The following PTPRN2 variants were observed in gnomAD, a reference collection of about 807,000 sequenced individuals.
PTPRN2 encodes the protein receptor-type tyrosine-protein phosphatase N2.
Under a neutral mutation model 118.8 loss-of-function variants are expected in PTPRN2, and 74 were observed. That is an observed-to-expected ratio of 0.62 (90% CI 0.52 to 0.76). The LOEUF is 0.76. Ranked by LOEUF, PTPRN2 falls within the 30% of genes least tolerant of loss-of-function variation. PTPRN2 has a pLI of 0.00. For synonymous variants in PTPRN2, 641 were observed against 608.0 expected (o/e 1.05, Z -0.80); for missense variants, 1,481 against 1,394.4 (o/e 1.06, Z -0.99).
At chr7:157,713,154 G>A (rs901347125) in intron 12 of PTPRN2, among the ~76,000 whole-genome samples, 3 of 152,182 alleles carry the variant, frequency 2.0e-5, no homozygotes, top group Non-Finnish European at 2.9e-5. Context: ...TCTGATGGTC[G>A]CACTTGGGCA....
At chr7:158,452,936 AT>A (rs1818189168) in intron 2 of PTPRN2, among the ~76,000 whole-genome samples, 2 of 152,214 alleles carry the variant, frequency 1.3e-5, no homozygotes, top group African/African-American at 2.4e-5. Context: ...CTTGTCTGCA[AT>A]CAACGCTGGT....
intron 3 of PTPRN2, among the ~76,000 whole-genome samples, chr7:158,225,912 GA>G (rs1407409342): frequency 1.9e-5 from 2 of 104,690 alleles, no homozygotes; most frequent in East Asian, 3.2e-4. Flanking sequence ...TGCAGGAACA[GA>G]GGGAGGGGAG....
At chr7:158,435,486 C>T (rs1473511307) in intron 2 of PTPRN2, among the ~76,000 whole-genome samples, 1 of 151,836 alleles carries the variant, frequency 6.6e-6, no homozygotes, top group Non-Finnish European at 1.5e-5. Flanking sequence ...TGTGGGAATG[C>T]AAAAGGTCCT....
intron 3 of PTPRN2, among the ~76,000 whole-genome samples, chr7:158,283,205 G>A (rs1402494819): frequency 6.6e-6 from 1 of 152,236 alleles, no homozygotes; most frequent in East Asian, 1.9e-4. Flanking sequence ...GCCACAATAA[G>A]AAAACCAAGC....
chr7:158,321,093 T>A (rs908056216), intron 2 of PTPRN2, among the ~76,000 whole-genome samples: 2 of 151,884 alleles, frequency 1.3e-5, no homozygotes, highest in African/African-American at 4.8e-5. Context: ...TCAGGTGCGA[T>A]GAGACTCCGG....
intron 12 of PTPRN2, among the ~76,000 whole-genome samples, chr7:157,704,753 C>T (rs1034054164): frequency 5.9e-5 from 9 of 152,246 alleles, no homozygotes; most frequent in African/African-American, 9.6e-5. Flanking sequence ...CTGCAGTTTA[C>T]GGCGGCCATT....
intron 11 of PTPRN2, among the ~76,000 whole-genome samples, chr7:157,916,960 C>T (rs1798436010): frequency 7.7e-6 from 1 of 129,374 alleles, no homozygotes; most frequent in South Asian, 2.8e-4. Flanking sequence ...TCCCCCTCCC[C>T]AGCTGAAGGT....
intron 3 of PTPRN2, among the ~76,000 whole-genome samples, chr7:158,279,683 G>A (rs866015006): frequency 5.3e-5 from 8 of 151,906 alleles, no homozygotes; most frequent in Admixed American, 1.3e-4. Context: ...CACAAGCCCC[G>A]TGTGCAGCCC....
intron 12 of PTPRN2, among the ~76,000 whole-genome samples, chr7:157,746,388 G>A (rs1351487191): frequency 5.5e-5 from 8 of 144,852 alleles, no homozygotes; most frequent in South Asian, 2.3e-4. Context: ...AGGAGATCAC[G>A]GGACTCCCCG....
intron 13 of PTPRN2, among the ~76,000 whole-genome samples, chr7:157,682,165 G>A (rs976884049): frequency 7.9e-5 from 12 of 152,086 alleles, no homozygotes; most frequent in East Asian, 5.8e-4. Context: ...CATCCTCCCC[G>A]GTTTCCAGCT....
intron 2 of PTPRN2, among the ~76,000 whole-genome samples, chr7:158,359,851 C>G (rs62493657): frequency 0.28 from 43,038 of 152,044 alleles, 6,781 homozygotes; most frequent in African/African-American, 0.4. Context: ...CTTCCTCTGA[C>G]AGTTTTTAAT....
At chr7:158,052,477 A>T (rs1336451934) in intron 11 of PTPRN2, among the ~76,000 whole-genome samples, 1 of 152,356 alleles carries the variant, frequency 6.6e-6, no homozygotes, top group East Asian at 1.9e-4. Context: ...CATCAGCACC[A>T]AAGGCACCCA....
intron 11 of PTPRN2, among the ~76,000 whole-genome samples, chr7:157,952,541 C>G (rs538525757): frequency 2.4e-4 from 36 of 152,114 alleles, no homozygotes; most frequent in African/African-American, 7.7e-4. Context: ...AGGTGATAGG[C>G]TGGCTCCCTG....
At chr7:158,176,314 A>C (rs763257823) in intron 5 of PTPRN2, among the ~76,000 whole-genome samples, 22 of 152,182 alleles carry the variant, frequency 1.4e-4, no homozygotes, top group Non-Finnish European at 2.4e-4. Context: ...TGAGTGCTAC[A>C]CCAGGCTGTT....
intron 11 of PTPRN2, among the ~76,000 whole-genome samples, chr7:158,008,374 C>T (rs907767606): frequency 3.9e-5 from 6 of 152,182 alleles, no homozygotes; most frequent in African/African-American, 1.4e-4. Flanking sequence ...AAACGCAGGG[C>T]TTTGTTTACA....
rs145735018 is a variant in PTPRN2, at chr7:158,368,992, G to A, written c.164-52060C>T. Among the ~76,000 whole-genome samples the A allele has an allele frequency of 9.4e-3, 1,429 of 152,236 alleles. 9 individuals are homozygous for A. Among genetic ancestry groups the A allele is most frequent in the Non-Finnish European group, 0.016 (1,087 of 68,008 alleles). ...CATTTGGGTCAGTGGACTGGGAGGGGCAGACCCACCCTCAGTCTGGGTGGG... is the reference window on the plus strand; with the variant it reads ...CATTTGGGTCAGTGGACTGGGAGGGACAGACCCACCCTCAGTCTGGGTGGG... On this transcript the variant is annotated intron_variant, in intron 2 of 22. Transcript: ENST00000389418.
At chr7:158,161,741 T>C (rs1044825546) in intron 6 of PTPRN2, among the ~76,000 whole-genome samples, 2 of 152,104 alleles carry the variant, frequency 1.3e-5, no homozygotes, top group African/African-American at 4.8e-5. Flanking sequence ...CTGGACTTCA[T>C]TAAAATAAAA....
At chr7:158,329,426 G>C (rs1438006592) in intron 2 of PTPRN2, among the ~76,000 whole-genome samples, 1 of 152,218 alleles carries the variant, frequency 6.6e-6, no homozygotes, top group Non-Finnish European at 1.5e-5. Context: ...ACCAGCCCCG[G>C]GTGCTGCTGT....
Position 157,771,959 on chromosome 7 carries a change from G to GAT in PTPRN2, c.1789-89023_1789-89022insAT, listed in dbSNP as rs147022846. ...AGACACATACAAAGACACACATACA[G>GAT]ACAGACACACACACATACACACGGA... On this transcript the variant is annotated intron_variant, in intron 12 of 22. Coordinates refer to ENST00000389418, the MANE Select transcript of PTPRN2 (RefSeq NM_002847.5). Among the ~76,000 whole-genome samples, 258 of 148,472 alleles carry GAT rather than the reference G, an allele frequency of 1.7e-3. 2 individuals are homozygous for GAT. Among genetic ancestry groups the GAT allele is most frequent in the African/African-American group, 6.2e-3 (250 of 40,468 alleles).
Sources: allele counts gnomAD v4.1 joint callset (sites outside exome capture counted in the v4.1 genomes callset), GRCh38; gene constraint gnomAD v4.1.1; transcripts MANE v1.5; gene names NCBI Gene and HGNC (gene_info 2026-07-23, HGNC 2026-07-21).